HOMER2: variants seen among roughly 807,000 people sequenced by gnomAD.
HOMER2 encodes the protein homer protein homolog 2.
Under a neutral mutation model 47.0 loss-of-function variants are expected in HOMER2, and 27 were observed. The ratio of observed to expected loss-of-function variants is 0.57; its 90% confidence interval spans 0.42 to 0.79. The LOEUF (loss-of-function observed/expected upper bound fraction) is 0.79, where lower values mean the gene tolerates loss of function less well. Among genes scored for constraint, HOMER2 ranks in the 30% least tolerant of loss-of-function variants. The pLI is 0.00. For synonymous variants in HOMER2, 161 were observed against 163.8 expected, an observed-to-expected ratio of 0.98 and a Z score of 0.13; for missense variants, 443 against 435.0, an observed-to-expected ratio of 1.02 and a Z score of -0.16.
intron 1 of HOMER2, among the ~76,000 whole-genome samples, chr15:82,900,770 G>A (rs531976349): frequency 5.3e-5 from 8 of 152,306 alleles, no homozygotes; most frequent in Non-Finnish European, 1.0e-4. Context: ...CCAGATGTCT[G>A]TCTCCTTGCC....
chr15:82,969,287 C>T (rs115984189), intron 1 of HOMER2, among the ~76,000 whole-genome samples: 4,735 of 152,256 alleles, frequency 0.031, 207 homozygotes, highest in African/African-American at 0.1. Flanking sequence ...CTTGAAGCAA[C>T]GCTGTACACA....
chr15:82,875,145 C>T, intron 3 of HOMER2, 128 bp downstream of exon 3: 2 of 1,096,586 alleles, frequency 1.8e-6, no homozygotes. Context: ...CCCCGTGATG[C>T]CAGGAGGAGT....
chr15:82,854,790 C>A lies in HOMER2; in HGVS notation c.505G>T (p.Val169Leu). The A allele has an allele frequency of 6.2e-7, 1 of 1,609,022 alleles. No individual in the cohort carries two copies. Among genetic ancestry groups the A allele is most frequent in the South Asian group, 1.1e-5 (1 of 91,036 alleles). Residue 169 changes from valine to leucine, a missense_variant, in exon 6 of 9, where the codon GTG becomes TTG. Transcript: ENST00000450735. ...TGCAGCTCGATCTCCCACTTCTTCA[C>A]GTTGGCTGCGCTGCAGGACAGGGAC... The part of the protein sequence containing the change: ...KIALTQSAAN[V>L]KKWEIELQTL...
In HOMER2 at chr15:82,894,020, C is replaced by T. The variant is rs151210077; in HGVS notation, c.6-1179G>A. ...GGAACCATTCAACAACCTGACCAAA[C>T]CTTCAAATTTGATGTTTCCAACTTA... is the stretch of plus-strand genomic sequence containing the variant. On this transcript the variant is annotated intron_variant, in intron 1 of 8. Coordinates refer to ENST00000450735, the MANE Select transcript of HOMER2 (RefSeq NM_004839.4). Among the ~76,000 whole-genome samples, 781 of 151,954 alleles carry T rather than the reference C, an allele frequency of 5.1e-3. 45 individuals are homozygous for T. The East Asian group carries it at 0.089, about 17-fold the overall frequency.
chr15:82,875,639 A>G (rs1006783024), intron 2 of HOMER2, among the ~76,000 whole-genome samples: 4 of 152,208 alleles, frequency 2.6e-5, no homozygotes, highest in Non-Finnish European at 5.9e-5. Flanking sequence ...TCAGTCTAAA[A>G]TAAGATCCTA....
intron 1 of HOMER2, among the ~76,000 whole-genome samples, chr15:82,976,424 A>T (rs998130531): frequency 2.6e-5 from 4 of 151,940 alleles, no homozygotes; most frequent in Admixed American, 6.6e-5. Context: ...TAGCCTCCCA[A>T]GTAGTTGGGA....
At chr15:82,892,495 G>C (rs1424457902) in intron 2 of HOMER2, among the ~76,000 whole-genome samples, 190 bp downstream of exon 2, 1 of 152,232 alleles carries the variant, frequency 6.6e-6, no homozygotes, top group Non-Finnish European at 1.5e-5. Context: ...TAAAATGTTA[G>C]TTATGAAGAC....
chr15:82,940,875 G>A (rs1358403366), intron 1 of HOMER2, among the ~76,000 whole-genome samples: 8 of 151,426 alleles, frequency 5.3e-5, no homozygotes, highest in Non-Finnish European at 1.2e-4. Context: ...CTCCCTGAGT[G>A]ACAGAGCAAG....
At chr15:82,967,041 C>T (rs149347936) in intron 1 of HOMER2, among the ~76,000 whole-genome samples, 176 of 152,132 alleles carry the variant, frequency 1.2e-3, no homozygotes, top group East Asian at 4.6e-3. Context: ...GAGGATTGCT[C>T]GAGTTCAACA....
At chr15:82,931,579 C>T (rs1013615680) in intron 1 of HOMER2, among the ~76,000 whole-genome samples, 1 of 151,324 alleles carries the variant, frequency 6.6e-6, no homozygotes, top group African/African-American at 2.4e-5. Context: ...TGGCTCATGC[C>T]TATAATCCCA....
intron 2 of HOMER2, among the ~76,000 whole-genome samples, chr15:82,879,764 C>T (rs2151079377): frequency 6.6e-6 from 1 of 152,286 alleles, no homozygotes. Flanking sequence ...ATATTTGCTG[C>T]ATTGGTTGAT....
chr15:82,871,885 C>T (rs1473695442), intron 3 of HOMER2, among the ~76,000 whole-genome samples: 5 of 152,270 alleles, frequency 3.3e-5, no homozygotes, highest in Non-Finnish European at 5.9e-5. Flanking sequence ...TAGAAACCTT[C>T]CCCCCTTTCT....
Position 82,849,721 on chromosome 15 carries a change from A to T in HOMER2, c.1026T>A (p.Asp342Glu). 1.2e-6 allele frequency: 2 copies of T among 1,613,202 alleles called. No homozygotes were observed. Among genetic ancestry groups the T allele is most frequent in the Non-Finnish European group, 1.7e-6 (2 of 1,179,576 alleles). Reference protein sequence around the residue: ...FRRGLSKLGTDN With the variant: ...FRRGLSKLGTEN ...GCCTGGGCCTCGGCCAGCCCTAGTT[A>T]TCGGTGCCCAGCTTGGAGAGCCCTC... is the stretch of plus-strand genomic sequence containing the variant. The change falls in exon 9 of 9, where the codon GAT becomes GAA. Residue 342 changes from aspartate to glutamate, a missense_variant. Asp to Glu is a conservative substitution (Grantham distance 45). Transcript: ENST00000450735.
chr15:82,971,862 C>A (rs2030000453), intron 1 of HOMER2, among the ~76,000 whole-genome samples: 1 of 152,178 alleles, frequency 6.6e-6, no homozygotes, highest in Non-Finnish European at 1.5e-5. Flanking sequence ...AGGACACAGA[C>A]TACTCAAAGG....
chr15:82,950,244 CA>C (rs2054477389), intron 1 of HOMER2, among the ~76,000 whole-genome samples: 1 of 152,180 alleles, frequency 6.6e-6, no homozygotes, highest in Non-Finnish European at 1.5e-5. Flanking sequence ...GGAGTAAGAA[CA>C]CAAACTCACT....
intron 3 of HOMER2, 52 bp downstream of exon 3, chr15:82,875,221 G>T (rs1000161094): frequency 7.5e-6 from 12 of 1,595,532 alleles, no homozygotes; most frequent in South Asian, 1.1e-5. Context: ...AATCACTGAT[G>T]AGAATGGCAT....
chr15:82,874,681 C>A (rs1036987296), intron 3 of HOMER2, among the ~76,000 whole-genome samples: 1 of 152,188 alleles, frequency 6.6e-6, no homozygotes, highest in Non-Finnish European at 1.5e-5. Flanking sequence ...GTGGGGAGTC[C>A]AAGCTAAGCG....
intron 1 of HOMER2, among the ~76,000 whole-genome samples, chr15:82,928,416 CA>C (rs1456057782): frequency 5.3e-5 from 8 of 152,246 alleles, no homozygotes; most frequent in African/African-American, 1.9e-4. Context: ...AGAACAGTTC[CA>C]AAGACTTCCT....
intron 1 of HOMER2, among the ~76,000 whole-genome samples, chr15:82,922,549 C>T (rs997729935): frequency 3.9e-5 from 6 of 152,140 alleles, no homozygotes; most frequent in African/African-American, 4.8e-5. Flanking sequence ...TATGCTGGCT[C>T]GGAAGAAGCC....
Sources: gnomAD v4.1 joint callset for allele counts (sites outside exome capture counted in the v4.1 genomes callset) on GRCh38, gnomAD v4.1.1 for gene constraint, MANE v1.5 for transcripts, NCBI Gene and HGNC (gene_info 2026-07-23, HGNC 2026-07-21) for gene names.